SLC12A7: variants seen among roughly 807,000 people sequenced by gnomAD.
The protein encoded by SLC12A7 is solute carrier family 12 member 7.
Under a neutral mutation model 120.6 loss-of-function variants are expected in SLC12A7, and 100 were observed. The observed-to-expected ratio is 0.83, with a 90% confidence interval of 0.71 to 0.98. The LOEUF is 0.98. Among genes scored for constraint, SLC12A7 ranks in the 50% least tolerant of loss-of-function variants. The pLI, the probability that SLC12A7 is intolerant of heterozygous loss-of-function variation, is 0.00. For missense variants in SLC12A7, 1,373 were observed against 1,548.1 expected, an observed-to-expected ratio of 0.89 and a Z score of 1.90; for synonymous variants, 760 against 678.0, an observed-to-expected ratio of 1.12 and a Z score of -1.88.
chr5:1,060,654 C>T (rs574444830), intron 20 of SLC12A7, among the ~76,000 whole-genome samples: 7 of 152,204 alleles, frequency 4.6e-5, no homozygotes, highest in Non-Finnish European at 8.8e-5. Context: ...TCACGCCGCA[C>T]ACACGCTCTG....
chr5:1,066,903 C>T (rs746132749), intron 17 of SLC12A7, among the ~76,000 whole-genome samples: 9 of 152,146 alleles, frequency 5.9e-5, no homozygotes, highest in East Asian at 5.8e-4. Flanking sequence ...TGCTGTGAGC[C>T]GTGTGGTCTG....
At chr5:1,087,081 C>T (rs777259723) in intron 5 of SLC12A7, 48 bp from the exon 6 acceptor site, 24 of 1,565,800 alleles carry the variant, frequency 1.5e-5, no homozygotes, top group East Asian at 7.0e-5. Context: ...CACTTGGACT[C>T]GGACCCGAGG....
At chr5:1,151,625 G>A in the SLC12A7 span, among the ~76,000 whole-genome samples, 1 of 151,602 alleles carries the variant, frequency 6.6e-6, no homozygotes, top group Non-Finnish European at 1.5e-5. This position sits in a 1 kb window ranked among gnomAD's most constrained non-coding sequence, Gnocchi z 6.2. Context: ...ACCAACCGGT[G>A]CCAGAAGGGT....
Position 1,077,967 on chromosome 5 carries a change from G to A in SLC12A7, c.1495C>T (p.Leu499=). Residue 499 remains leucine (L), a synonymous_variant, in exon 12 of 24, where the codon CTG becomes TTG. Coordinates refer to ENST00000264930, the MANE Select transcript of SLC12A7 (RefSeq NM_006598.3). ...ALQGNLVIGM[L]AWPSPWVIVI... Reference sequence around the variant, plus strand: ...ATGACCCAGGGGGAGGGCCAGGCCAGCATGCCGATGACCAGGTTCCCCTGC... The same window carrying A: ...ATGACCCAGGGGGAGGGCCAGGCCAACATGCCGATGACCAGGTTCCCCTGC... 6.3e-7 allele frequency: 1 copy of A among 1,594,226 alleles called. No homozygotes were observed. Among genetic ancestry groups the A allele is most frequent in the Admixed American group, 1.7e-5 (1 of 57,534 alleles).
At chr5:1,060,703 G>A (rs1459845113) in intron 20 of SLC12A7, among the ~76,000 whole-genome samples, 2 of 152,178 alleles carry the variant, frequency 1.3e-5, no homozygotes, top group Non-Finnish European at 2.9e-5. Context: ...CGGGCACAAG[G>A]GCAGCTGTGA....
chr5:1,152,755 G>A, the SLC12A7 span, among the ~76,000 whole-genome samples: 6 of 152,204 alleles, frequency 3.9e-5, no homozygotes, highest in African/African-American at 1.4e-4. Flanking sequence ...CAAAGTCGGT[G>A]TGGATTCCTG....
At chr5:1,053,556 C>T in intron 22 of SLC12A7, 74 bp from the exon 23 acceptor site, 3 of 1,550,166 alleles carry the variant, frequency 1.9e-6, no homozygotes, top group South Asian at 1.2e-5. Flanking sequence ...GAGCTGAGCC[C>T]TGATGAGCTG....
intron 1 of SLC12A7, among the ~76,000 whole-genome samples, chr5:1,103,733 C>A (rs1040057174): frequency 2.0e-5 from 3 of 152,264 alleles, no homozygotes; most frequent in Admixed American, 6.5e-5. Flanking sequence ...GCACGACCCA[C>A]GGGGCGGGGT....
At chr5:1,076,567 G>A (rs1738369849) in intron 13 of SLC12A7, 127 bp downstream of exon 13, 2 of 726,296 alleles carry the variant, frequency 2.8e-6, no homozygotes, top group Non-Finnish European at 4.6e-6. Flanking sequence ...CTTCCCGGCA[G>A]GATCCTGACT....
At chr5:1,153,151 C>A in the SLC12A7 span, among the ~76,000 whole-genome samples, 2 of 152,180 alleles carry the variant, frequency 1.3e-5, no homozygotes, top group Non-Finnish European at 2.9e-5. Context: ...GCCAGGCAGC[C>A]GCATGGCCGT....
chr5:1,154,474 C>T, the SLC12A7 span, among the ~76,000 whole-genome samples: 3 of 152,092 alleles, frequency 2.0e-5, no homozygotes, highest in Non-Finnish European at 4.4e-5. Flanking sequence ...ATATGCCATA[C>T]ACACACATAT....
chr5:1,078,104 TG>T lies in SLC12A7; in HGVS notation c.1455-98del. On this transcript the variant is annotated intron_variant, in intron 11 of 23. Transcript: ENST00000264930. Reference sequence around the variant, plus strand: ...ACCCAGAGCGAGGGGCCCAGTGCAGTGGGGGCGACTCCTTGGAAAGCTGAGG... The same window carrying T: ...ACCCAGAGCGAGGGGCCCAGTGCAGTGGGGCGACTCCTTGGAAAGCTGAGG... The T allele has an allele frequency of 2.2e-6, 3 of 1,381,950 alleles. No homozygotes were observed. The East Asian group carries it at 7.7e-5, about 35-fold the overall frequency. The allele number at this position is 1,381,950 out of a possible 1,614,324, so 85.6% of individuals were successfully genotyped here.
chr5:1,153,696 T>C, the SLC12A7 span, among the ~76,000 whole-genome samples: 54,005 of 152,128 alleles, frequency 0.35, 9,745 homozygotes, highest in Middle Eastern at 0.48. Context: ...CCTGCAGCCC[T>C]GACTTGGCGC....
At chr5:1,111,519 A>G (rs1360037931) in intron 1 of SLC12A7, among the ~76,000 whole-genome samples, 3 of 152,036 alleles carry the variant, frequency 2.0e-5, no homozygotes, top group East Asian at 3.9e-4. Context: ...CCGGGTCTCC[A>G]CCGCCACCCC....
At chr5:1,122,193 C>T in the SLC12A7 span, among the ~76,000 whole-genome samples, 8 of 152,304 alleles carry the variant, frequency 5.3e-5, no homozygotes, top group East Asian at 1.9e-4. Flanking sequence ...CTGCCCCCAC[C>T]GCCTGCCCTT....
At chr5:1,053,691 C>T (rs895216527) in intron 22 of SLC12A7, among the ~76,000 whole-genome samples, 13 of 152,210 alleles carry the variant, frequency 8.5e-5, no homozygotes, top group African/African-American at 1.4e-4. Flanking sequence ...CGTTCAGCAG[C>T]GGGATGCTTT....
At chr5:1,144,037 G>A in the SLC12A7 span, among the ~76,000 whole-genome samples, 2 of 152,198 alleles carry the variant, frequency 1.3e-5, no homozygotes, top group Non-Finnish European at 2.9e-5. Context: ...TTCTAAGACT[G>A]CAGCCCAGAA....
the SLC12A7 span, among the ~76,000 whole-genome samples, chr5:1,155,103 G>A: frequency 4.4e-4 from 48 of 110,164 alleles, no homozygotes; most frequent in African/African-American, 1.5e-3. Flanking sequence ...GCCCTCCCAG[G>A]CCCCTCGCCC....
At chr5:1,096,689 G>GAA (rs1330513270) in intron 1 of SLC12A7, among the ~76,000 whole-genome samples, 4 of 113,812 alleles carry the variant, frequency 3.5e-5, no homozygotes, top group Non-Finnish European at 5.3e-5. Flanking sequence ...AGGAGGGAGG[G>GAA]GGGAAGGGAG....
Sources: allele counts gnomAD v4.1 joint callset (sites outside exome capture counted in the v4.1 genomes callset), GRCh38; gene constraint gnomAD v4.1.1; non-coding constraint Gnocchi (gnomAD v3.1); transcripts MANE v1.5; gene names NCBI Gene and HGNC (gene_info 2026-07-23, HGNC 2026-07-21).